Variants in FSD1L observed in about 807,000 individuals in gnomAD.
FSD1L encodes the protein FSD1-like protein.
FSD1L carries 45 observed loss-of-function variants against 71.6 expected under a neutral mutation model. That is an observed-to-expected ratio of 0.63 (90% CI 0.49 to 0.81). The LOEUF is 0.81. FSD1L is among the 30% of genes least tolerant of loss of function. The probability of loss-of-function intolerance (pLI) is 0.00; values close to 1 mark genes in which losing one functional copy is unlikely to be tolerated. For synonymous variants in FSD1L, 197 were observed against 207.2 expected, an observed-to-expected ratio of 0.95 and a Z score of 0.42; for missense variants, 561 against 618.1, an observed-to-expected ratio of 0.91 and a Z score of 0.98.
chr9:105,523,710 G>C, intron 10 of FSD1L: 1 of 1,596,196 alleles, frequency 6.3e-7, no homozygotes, highest in East Asian at 2.2e-5. Flanking sequence ...TAAACTTATT[G>C]GTAATACAAT....
At chr9:105,468,896 A>G (rs1446705392) in intron 4 of FSD1L, among the ~76,000 whole-genome samples, 2 of 152,186 alleles carry the variant, frequency 1.3e-5, no homozygotes, top group Non-Finnish European at 2.9e-5. Context: ...CATCTTGTGC[A>G]AGTGAAACTT....
At chr9:105,496,830 T>C (rs1482493468) in intron 7 of FSD1L, among the ~76,000 whole-genome samples, 2 of 152,180 alleles carry the variant, frequency 1.3e-5, no homozygotes, top group Non-Finnish European at 2.9e-5. Context: ...ACAAAGACAG[T>C]TTTATTTCTT....
At chr9:105,521,030 A>G (rs1835115828) in intron 10 of FSD1L, 1 of 1,612,386 alleles carries the variant, frequency 6.2e-7, no homozygotes, top group East Asian at 2.2e-5. Flanking sequence ...TCTGTAAGGA[A>G]AACAGTTTAT....
intron 6 of FSD1L, among the ~76,000 whole-genome samples, chr9:105,479,758 T>G (rs1832048325): frequency 6.6e-6 from 1 of 152,234 alleles, no homozygotes; most frequent in Non-Finnish European, 1.5e-5. Flanking sequence ...TTCTTTGAAC[T>G]CACTCATTTT....
intron 13 of FSD1L, among the ~76,000 whole-genome samples, chr9:105,545,164 T>C (rs1014073884): frequency 4.6e-5 from 7 of 151,194 alleles, no homozygotes; most frequent in African/African-American, 1.7e-4. Context: ...GTTGGATTCC[T>C]AGGTATTTTA....
intron 10 of FSD1L, among the ~76,000 whole-genome samples, chr9:105,514,746 A>G (rs1011319925): frequency 6.6e-6 from 1 of 152,162 alleles, no homozygotes; most frequent in Non-Finnish European, 1.5e-5. Context: ...TCCCAACAGA[A>G]TGGCACTGGG....
At chr9:105,513,017 C>T in intron 10 of FSD1L, 81 bp downstream of exon 10, 1 of 1,205,834 alleles carries the variant, frequency 8.3e-7, no homozygotes, top group Non-Finnish European at 1.1e-6. Context: ...TATTGAAATT[C>T]TTAGTCAATA....
At chr9:105,461,844 T>A (rs1285798352) in intron 2 of FSD1L, among the ~76,000 whole-genome samples, 1 of 151,872 alleles carries the variant, frequency 6.6e-6, no homozygotes, top group African/African-American at 2.4e-5. Context: ...TGAGACCTCG[T>A]CTCTACAAAA....
chr9:105,475,072 A>G (rs1404927326), intron 5 of FSD1L, among the ~76,000 whole-genome samples: 1 of 152,234 alleles, frequency 6.6e-6, no homozygotes, highest in African/African-American at 2.4e-5. Context: ...CTCTGCTAAT[A>G]GCTGGCCTGC....
chr9:105,522,901 C>T (rs992074462), intron 10 of FSD1L: 1 of 1,609,852 alleles, frequency 6.2e-7, no homozygotes, highest in Non-Finnish European at 8.5e-7. Flanking sequence ...CAGATGCGCC[C>T]TATTGATGAC....
At chr9:105,526,255 A>G (rs1421370359) in intron 10 of FSD1L, 4 of 1,601,906 alleles carry the variant, frequency 2.5e-6, no homozygotes, top group Non-Finnish European at 3.4e-6. Flanking sequence ...ATACCTGCAA[A>G]CAATTGTCCA....
chr9:105,504,175 A>G (rs1205365313), intron 7 of FSD1L, among the ~76,000 whole-genome samples: 1 of 152,250 alleles, frequency 6.6e-6, no homozygotes, highest in Non-Finnish European at 1.5e-5. Context: ...TATTAAATTC[A>G]TGAATGCCTA....
At chr9:105,455,128 A>T (rs1298247617) in intron 1 of FSD1L, among the ~76,000 whole-genome samples, 1 of 152,216 alleles carries the variant, frequency 6.6e-6, no homozygotes, top group Non-Finnish European at 1.5e-5. Context: ...ACCTAACAGC[A>T]GTAGTTTAAG....
intron 10 of FSD1L, chr9:105,525,970 A>G (rs1835482025): frequency 3.2e-6 from 5 of 1,571,516 alleles, no homozygotes; most frequent in South Asian, 1.1e-5. Context: ...TGAAGTGCAC[A>G]TTGTTTGGTC....
chr9:105,522,820 C>T, intron 10 of FSD1L: 2 of 1,613,040 alleles, frequency 1.2e-6, no homozygotes, highest in Non-Finnish European at 1.7e-6. Flanking sequence ...TCGACTATGA[C>T]AAGAAGAGGA....
intron 6 of FSD1L, among the ~76,000 whole-genome samples, chr9:105,482,544 ATCCTGTAG>A (rs1475645403): frequency 6.6e-6 from 1 of 152,210 alleles, no homozygotes; most frequent in African/African-American, 2.4e-5. Flanking sequence ...AGCCTTCTGG[ATCCTGTAG>A]TGTAGAGAAT....
chr9:105,467,203 C>T (rs1237626188), intron 3 of FSD1L, among the ~76,000 whole-genome samples: 2 of 152,092 alleles, frequency 1.3e-5, no homozygotes, highest in Non-Finnish European at 2.9e-5. Flanking sequence ...ATAATTACCA[C>T]CACCTTTGAT....
intron 5 of FSD1L, chr9:105,473,251 A>C (rs1831588994): frequency 6.6e-6 from 1 of 152,296 alleles, no homozygotes; most frequent in East Asian, 1.9e-4. Context: ...GGCTGCACCG[A>C]GCTGTGATTA....
chr9:105,546,314 C>G (rs555289203), intron 13 of FSD1L, 44 bp from the exon 14 acceptor site: 79 of 1,483,108 alleles, frequency 5.3e-5, no homozygotes, highest in Non-Finnish European at 7.1e-5. Context: ...CACTGAAATT[C>G]TAGTTTGATT....
Sources: allele counts gnomAD v4.1 joint callset (sites outside exome capture counted in the v4.1 genomes callset), GRCh38; gene constraint gnomAD v4.1.1; transcripts MANE v1.5; gene names NCBI Gene and HGNC (gene_info 2026-07-23, HGNC 2026-07-21).